Variants in DACH1 observed in about 807,000 individuals in gnomAD.
DACH1 encodes the protein dachshund homolog 1.
A neutral mutation model predicts 54.2 loss-of-function variants in DACH1; 12 were observed. The observed-to-expected ratio is 0.22, with a 90% CI of 0.14 to 0.36. The LOEUF (loss-of-function observed/expected upper bound fraction) is 0.36, where lower values mean the gene tolerates loss of function less well. Ranked by LOEUF, DACH1 falls within the 10% of genes least tolerant of loss-of-function variation. The pLI is 1.00. For missense variants in DACH1, 805 were observed against 929.8 expected (o/e 0.87, Z 1.75); for synonymous variants, 386 against 366.2 (o/e 1.05, Z -0.62).
intron 3 of DACH1, among the ~76,000 whole-genome samples, chr13:71,580,308 C>T (rs1288777272): frequency 6.6e-6 from 1 of 152,068 alleles, no homozygotes. Flanking sequence ...TTTACCTCAC[C>T]ATACTATTCT....
At chr13:71,459,097 G>T in intron 10 of DACH1, among the ~76,000 whole-genome samples, 1 of 151,708 alleles carries the variant, frequency 6.6e-6, no homozygotes, top group Admixed American at 6.6e-5. Context: ...TCAATAAAAA[G>T]GTTTTATGTC....
intron 6 of DACH1, among the ~76,000 whole-genome samples, chr13:71,533,503 A>G (rs1882552180): frequency 1.3e-5 from 2 of 152,022 alleles, no homozygotes; most frequent in Admixed American, 1.3e-4. Context: ...TAAAGTCATG[A>G]CCACAGTTAT....
chr13:71,662,704 C>CA (rs1283142359), intron 2 of DACH1, among the ~76,000 whole-genome samples: 1 of 151,916 alleles, frequency 6.6e-6, no homozygotes. Flanking sequence ...TATTTTTCCA[C>CA]AAAAAATATT....
At chr13:71,785,157 G>A (rs1241891223) in intron 1 of DACH1, among the ~76,000 whole-genome samples, 1 of 152,070 alleles carries the variant, frequency 6.6e-6, no homozygotes, top group African/African-American at 2.4e-5. Flanking sequence ...ATTAGCTCCT[G>A]AATTCGCCAG....
chr13:71,545,600 A>G lies in DACH1; in HGVS notation c.1570+11424T>C, dbSNP rs1566329770. Among the ~76,000 whole-genome samples the G allele has an allele frequency of 4.0e-5, 6 of 151,546 alleles. No individual in the cohort carries two copies. In the South Asian group the frequency reaches 1.2e-3, roughly 31 times the overall value. ...GAAGGAAGGGAGGGAGGAAGGAAGG[A>G]AAGGAAGGGATGAACCTGTGAAACA... On this transcript the variant is annotated intron_variant, in intron 6 of 10. Transcript: ENST00000613252.
At chr13:71,752,258 G>A (rs749672654) in intron 1 of DACH1, among the ~76,000 whole-genome samples, 19 of 152,080 alleles carry the variant, frequency 1.2e-4, no homozygotes, top group Admixed American at 6.5e-4. Context: ...GTGCACAATC[G>A]TACATTAAAT....
At chr13:71,592,977 A>G (rs1400744006) in intron 3 of DACH1, among the ~76,000 whole-genome samples, 1 of 152,130 alleles carries the variant, frequency 6.6e-6, no homozygotes, top group Non-Finnish European at 1.5e-5. Context: ...GTAAAAGCAC[A>G]TGTAATTGTT....
intron 1 of DACH1, among the ~76,000 whole-genome samples, chr13:71,806,011 T>G (rs1258587789): frequency 6.6e-6 from 1 of 152,174 alleles, no homozygotes; most frequent in African/African-American, 2.4e-5. Flanking sequence ...TTCTCCATGT[T>G]GGTCAGGCTA....
At chr13:71,762,768 CAAAA>C (rs34543654) in intron 1 of DACH1, among the ~76,000 whole-genome samples, 2 of 71,200 alleles carry the variant, frequency 2.8e-5, no homozygotes, top group Admixed American at 3.6e-4. Flanking sequence ...AACTTTGTCT[CAAAA>C]AAAAAAAAAA....
At position 71,475,840 on chromosome 13, in the gene DACH1, T is replaced by C; in HGVS notation, c.1880A>G (p.Gln627Arg). 6.2e-7 allele frequency: 1 copy of C among 1,608,992 alleles called. No individual in the cohort carries two copies. Among genetic ancestry groups the C allele is most frequent in the Non-Finnish European group, 8.5e-7 (1 of 1,178,380 alleles). ...AMEQKNRAIV[Q>R]KRLKKEKKAK... The stretch of plus-strand genomic sequence containing the variant: ...CTTCTTCTCCTTCTTTAGCCTCTTT[T>C]GAACTATGGCTAAAAAAGAGTGTAT... Residue 627 changes from glutamine to arginine, a missense_variant, in exon 9 of 11, where the codon CAA becomes CGA. By Grantham distance (43) the Gln-to-Arg change is conservative (BLOSUM62 1). Coordinates refer to ENST00000613252, the MANE Select transcript of DACH1 (RefSeq NM_080759.6).
chr13:71,662,646 A>G (rs1032671249), intron 2 of DACH1, among the ~76,000 whole-genome samples: 7 of 152,026 alleles, frequency 4.6e-5, no homozygotes, highest in Admixed American at 2.6e-4. Context: ...ATTGCCTTGA[A>G]TCTTCAAACA....
intron 6 of DACH1, among the ~76,000 whole-genome samples, chr13:71,497,491 C>T (rs565088248): frequency 2.0e-5 from 3 of 151,888 alleles, no homozygotes; most frequent in South Asian, 2.1e-4. Context: ...GCCACCGTAC[C>T]GGGCTAATTT....
chr13:71,590,244 T>G (rs1873600052), intron 3 of DACH1, among the ~76,000 whole-genome samples: 1 of 152,096 alleles, frequency 6.6e-6, no homozygotes, highest in Non-Finnish European at 1.5e-5. Context: ...AAACCAAGTC[T>G]CTATATCATG....
Position 71,477,079 on chromosome 13 carries a change from A to ATT in DACH1, c.1871-1232_1871-1231dup, listed in dbSNP as rs374132591. The stretch of plus-strand genomic sequence containing the variant: ...ATTTCCACATAATCCTGTTTTTATT[A>ATT]TTATATATATATATATATATATATA... On this transcript the variant is annotated intron_variant, in intron 8 of 10. Transcript: ENST00000613252. Among the ~76,000 whole-genome samples the ATT allele has an allele frequency of 1.3e-3, 81 of 60,318 alleles. No individual in the cohort carries two copies. The South Asian group carries it at 0.019, about 14-fold the overall frequency. 39.6% of individuals were successfully genotyped at this position (60,318 alleles called of 152,430 possible).
intron 1 of DACH1, among the ~76,000 whole-genome samples, chr13:71,688,216 G>A (rs1881281331): frequency 6.6e-6 from 1 of 152,126 alleles, no homozygotes; most frequent in African/African-American, 2.4e-5. Flanking sequence ...AGACCCAACA[G>A]CACAAAAGGA....
intron 3 of DACH1, among the ~76,000 whole-genome samples, chr13:71,594,576 T>C (rs1222299031): frequency 2.0e-5 from 3 of 152,146 alleles, no homozygotes; most frequent in African/African-American, 7.2e-5. Context: ...TGTGTAAACA[T>C]GAGCTGAAGT....
intron 1 of DACH1, among the ~76,000 whole-genome samples, chr13:71,719,623 T>G (rs1177098455): frequency 1.3e-5 from 2 of 152,168 alleles, no homozygotes; most frequent in Admixed American, 6.5e-5. Context: ...AAACAGATTT[T>G]AAAAGTGGCC....
chr13:71,543,571 T>C (rs1195202224), intron 6 of DACH1, among the ~76,000 whole-genome samples: 1 of 152,104 alleles, frequency 6.6e-6, no homozygotes, highest in Non-Finnish European at 1.5e-5. Flanking sequence ...CTTGATCAGA[T>C]ACCATGGGCC....
At chr13:71,560,033 T>C in intron 4 of DACH1, 78 bp from the exon 5 acceptor site, 1 of 1,373,572 alleles carries the variant, frequency 7.3e-7, no homozygotes, top group South Asian at 1.6e-5. Context: ...TGTTGTTTTT[T>C]CTCAATACAA....
Sources: gnomAD v4.1 joint callset for allele counts (sites outside exome capture counted in the v4.1 genomes callset) on GRCh38, gnomAD v4.1.1 for gene constraint, MANE v1.5 for transcripts, NCBI Gene and HGNC (gene_info 2026-07-23, HGNC 2026-07-21) for gene names.